SMYD3: variants seen among roughly 807,000 people sequenced by gnomAD.
SMYD3 encodes the protein SET and MYND domain containing 3, also known as histone-lysine N-methyltransferase SMYD3.
A neutral mutation model predicts 57.7 loss-of-function variants in SMYD3; 36 were observed. The ratio of observed to expected loss-of-function variants is 0.62; its 90% confidence interval spans 0.48 to 0.82. The LOEUF (loss-of-function observed/expected upper bound fraction) is 0.82. Among genes scored for constraint, SMYD3 ranks in the 40% least tolerant of loss-of-function variants. The probability of loss-of-function intolerance (pLI) is 0.00; values close to 1 mark genes in which losing one functional copy is unlikely to be tolerated. For synonymous variants in SMYD3, 211 were observed against 195.0 expected, an observed-to-expected ratio of 1.08 and a Z score of -0.68; for missense variants, 515 against 538.8, an observed-to-expected ratio of 0.96 and a Z score of 0.44.
chr1:246,433,651 G>C (rs545378067), intron 1 of SMYD3, among the ~76,000 whole-genome samples: 110 of 152,212 alleles, frequency 7.2e-4, no homozygotes, highest in Non-Finnish European at 1.2e-3. Flanking sequence ...ACACAGCAAG[G>C]CTGGCTCCGT....
In SMYD3 at chr1:245,807,550, G is replaced by A. The variant is rs576651502; in HGVS notation, c.1077-43401C>T. 4.6e-5 allele frequency among the ~76,000 whole-genome samples: 7 copies of A among 152,200 alleles called. No individual in the cohort carries two copies. In the South Asian group the frequency reaches 1.2e-3, roughly 27 times the overall value. On this transcript the variant is annotated intron_variant, in intron 10 of 11. Transcript: ENST00000490107. ...GCCTGGCAGCAGAGAGAGAATTACC[G>A]GCACACATTAGTGAGAGCAATCGCA...
Position 245,913,962 on chromosome 1 carries a change from A to G in SMYD3, c.813+1568T>C, listed in dbSNP as rs115107872. 8.3e-3 allele frequency among the ~76,000 whole-genome samples: 1,272 copies of G among 152,356 alleles called. 19 individuals are homozygous for G. Among genetic ancestry groups the G allele is most frequent in the African/African-American group, 0.029 (1,220 of 41,578 alleles). On this transcript the variant is annotated intron_variant, in intron 8 of 11. Transcript: ENST00000490107. The stretch of plus-strand genomic sequence containing the variant: ...ACTATTATCAAAAAGACCAAAAAAA[A>G]TAAAAATAACAAATGCTGGCAAGGA...
At chr1:246,435,733 C>T (rs1264410385) in intron 1 of SMYD3, among the ~76,000 whole-genome samples, 1 of 151,106 alleles carries the variant, frequency 6.6e-6, no homozygotes, top group Non-Finnish European at 1.5e-5. Context: ...ACAAGAATTC[C>T]AAGAATTCCA....
intron 1 of SMYD3, among the ~76,000 whole-genome samples, chr1:246,504,450 A>G (rs2068505731): frequency 2.0e-5 from 3 of 152,216 alleles, no homozygotes; most frequent in Admixed American, 2.0e-4. Context: ...AATGGTAAGT[A>G]TTTGTGTATC....
At chr1:246,338,343 T>C (rs1486918844) in intron 2 of SMYD3, among the ~76,000 whole-genome samples, 3 of 152,206 alleles carry the variant, frequency 2.0e-5, no homozygotes, top group Non-Finnish European at 2.9e-5. Context: ...GTGACAATCA[T>C]ACAAAAACAA....
intron 10 of SMYD3, among the ~76,000 whole-genome samples, chr1:245,769,488 C>A (rs1017994776): frequency 2.6e-5 from 4 of 152,152 alleles, no homozygotes; most frequent in East Asian, 1.9e-4. Context: ...AGCCCGGACC[C>A]GGGATCTTCA....
intron 1 of SMYD3, among the ~76,000 whole-genome samples, chr1:246,434,283 A>C (rs2067338281): frequency 6.6e-6 from 1 of 152,252 alleles, no homozygotes; most frequent in African/African-American, 2.4e-5. Context: ...AAAAATTGAC[A>C]AGTGGAACCT....
chr1:246,101,071 GTTTTTTTTTTTT>G (rs754724096), intron 5 of SMYD3, among the ~76,000 whole-genome samples: 5 of 54,070 alleles, frequency 9.2e-5, no homozygotes, highest in African/African-American at 2.6e-4. Flanking sequence ...GGGGTTTTTT[GTTTTTTTTTTTT>G]TTTTTTTTTT....
chr1:246,032,367 C>T (rs919393716), intron 5 of SMYD3, among the ~76,000 whole-genome samples: 8 of 152,186 alleles, frequency 5.3e-5, no homozygotes, highest in African/African-American at 1.9e-4. Context: ...TCACTCTCCC[C>T]CTCCTCTACC....
chr1:246,302,110 C>A (rs2064900574), intron 5 of SMYD3, among the ~76,000 whole-genome samples: 1 of 152,154 alleles, frequency 6.6e-6, no homozygotes, highest in Non-Finnish European at 1.5e-5. Context: ...CAGTGAAATA[C>A]AATCACCACT....
chr1:246,113,869 A>G (rs946807707), intron 5 of SMYD3: 1 of 152,116 alleles, frequency 6.6e-6, no homozygotes, highest in East Asian at 1.9e-4. Context: ...AGAAATGACC[A>G]CCTCACTCTA....
intron 5 of SMYD3, among the ~76,000 whole-genome samples, chr1:245,951,276 C>A (rs942308583): frequency 6.6e-6 from 1 of 151,802 alleles, no homozygotes; most frequent in African/African-American, 2.4e-5. Flanking sequence ...TGCTTTACCG[C>A]GATGCACAGT....
intron 5 of SMYD3, among the ~76,000 whole-genome samples, chr1:245,979,178 G>A (rs1256020660): frequency 6.6e-6 from 1 of 152,106 alleles, no homozygotes; most frequent in Non-Finnish European, 1.5e-5. Context: ...GAAAGAAGGA[G>A]TCAACTCAAA....
chr1:245,773,958 C>T (rs1335763595), intron 10 of SMYD3, among the ~76,000 whole-genome samples: 1 of 152,070 alleles, frequency 6.6e-6, no homozygotes, highest in Non-Finnish European at 1.5e-5. Context: ...TTTATTTGAA[C>T]GTTTTAGTTC....
chr1:246,005,525 G>A (rs1348146479), intron 5 of SMYD3, among the ~76,000 whole-genome samples: 1 of 152,206 alleles, frequency 6.6e-6, no homozygotes, highest in African/African-American at 2.4e-5. Flanking sequence ...TAAATTAGAG[G>A]ATGTGAGGAT....
intron 2 of SMYD3, among the ~76,000 whole-genome samples, chr1:246,339,631 T>A (rs1314084047): frequency 1.3e-5 from 2 of 152,152 alleles, no homozygotes; most frequent in African/African-American, 4.8e-5. Context: ...ACACTACCCA[T>A]GAGACAGAAT....
intron 5 of SMYD3, among the ~76,000 whole-genome samples, chr1:246,007,213 C>T (rs1174934820): frequency 6.6e-6 from 1 of 152,226 alleles, no homozygotes; most frequent in South Asian, 2.1e-4. Flanking sequence ...CCTTCCCAAT[C>T]CGTAGAAAGC....
intron 5 of SMYD3, among the ~76,000 whole-genome samples, chr1:246,043,151 C>A (rs958677650): frequency 6.6e-6 from 1 of 152,180 alleles, no homozygotes; most frequent in African/African-American, 2.4e-5. Flanking sequence ...ATCGATTACT[C>A]CATGGATTAA....
intron 5 of SMYD3, among the ~76,000 whole-genome samples, chr1:246,171,908 G>C (rs959185105): frequency 3.9e-4 from 59 of 152,182 alleles, no homozygotes; most frequent in African/African-American, 1.3e-3. Flanking sequence ...CTACTCAGCA[G>C]GCTGAGGCAA....
Sources: allele counts gnomAD v4.1 joint callset (sites outside exome capture counted in the v4.1 genomes callset), GRCh38; gene constraint gnomAD v4.1.1; transcripts MANE v1.5; gene names NCBI Gene and HGNC (gene_info 2026-07-23, HGNC 2026-07-21).